CDYL: variants seen among roughly 807,000 people sequenced by gnomAD.
The protein encoded by CDYL is chromodomain Y like, also known as chromodomain Y-like protein.
A neutral mutation model predicts 47.3 loss-of-function variants in CDYL; 8 were observed. The observed-to-expected ratio is 0.17, with a 90% CI of 0.10 to 0.31. The LOEUF is 0.31. CDYL is among the 10% of genes least tolerant of loss of function. The pLI, the probability that CDYL is intolerant of heterozygous loss-of-function variation, is 1.00. For missense variants in CDYL, 471 were observed against 701.4 expected, an observed-to-expected ratio of 0.67 and a Z score of 3.71; for synonymous variants, 266 against 265.0, an observed-to-expected ratio of 1.00 and a Z score of -0.04.
intron 1 of CDYL, among the ~76,000 whole-genome samples, chr6:4,883,191 C>T (rs1242167858): frequency 6.6e-6 from 1 of 152,078 alleles, no homozygotes; most frequent in East Asian, 1.9e-4. Flanking sequence ...GGAAGGAGAG[C>T]AACAATGCTA....
rs990136806 is a variant in CDYL, at chr6:4,729,869, G to A, written c.104-4893G>A. 6.6e-5 allele frequency among the ~76,000 whole-genome samples: 10 copies of A among 152,054 alleles called. No homozygotes were observed. The East Asian group carries it at 9.6e-4, about 15-fold the overall frequency. ...GGAAGTGGAGGTTGCAGTGAGCCAC[G>A]ATCACGCTACTACACTCCAGCCTGG... On this transcript the variant is annotated intron_variant, in intron 2 of 8. Coordinates refer to the CDYL transcript ENST00000328908.
At chr6:4,836,928 G>C (rs911762177) in intron 1 of CDYL, among the ~76,000 whole-genome samples, 2 of 152,204 alleles carry the variant, frequency 1.3e-5, no homozygotes, top group Admixed American at 6.5e-5. Flanking sequence ...CCCTGGAATG[G>C]AGTGATGGGT....
intron 3 of CDYL, among the ~76,000 whole-genome samples, chr6:4,745,264 C>G (rs1185236956): frequency 6.6e-6 from 1 of 152,118 alleles, no homozygotes; most frequent in Non-Finnish European, 1.5e-5. Context: ...CTGGCCTACC[C>G]CAGCCATACT....
intron 2 of CDYL, among the ~76,000 whole-genome samples, chr6:4,920,035 T>G (rs563349897): frequency 6.6e-6 from 1 of 152,286 alleles, no homozygotes; most frequent in South Asian, 2.1e-4. Flanking sequence ...AGCATGGAGA[T>G]TCTCACACAT....
chr6:4,836,343 T>G lies in CDYL; in HGVS notation c.25-55370T>G, dbSNP rs1760305942. The G allele has an allele frequency of 3.8e-6, 3 of 795,002 alleles. No individual in the cohort carries two copies. The Admixed American group carries it at 1.9e-4, about 50-fold the overall frequency. 49.2% of individuals were successfully genotyped at this position (795,002 alleles called of 1,614,324 possible). A position where few individuals can be genotyped will look rare whatever the true frequency, so the allele number is the denominator to read the frequency against. ...AATTATTTATTTTATACGTGTGCTT[T>G]CAGAATTCCAACCCCCTAGAGGAGT... On this transcript the variant is annotated intron_variant, in intron 1 of 6. Coordinates refer to ENST00000397588, the MANE Select transcript of CDYL (RefSeq NM_004824.4).
intron 1 of CDYL, among the ~76,000 whole-genome samples, chr6:4,878,587 C>A (rs1015348700): frequency 2.0e-5 from 3 of 151,834 alleles, no homozygotes; most frequent in Non-Finnish European, 4.4e-5. Context: ...TAATGTTTTT[C>A]ATAATATTTT....
chr6:4,754,888 A>G (rs979060688), intron 3 of CDYL, among the ~76,000 whole-genome samples: 3 of 152,218 alleles, frequency 2.0e-5, no homozygotes, highest in African/African-American at 7.2e-5. Flanking sequence ...AAATGTAAGT[A>G]ATACATGGTA....
chr6:4,786,727 G>A (rs575590978), intron 1 of CDYL, among the ~76,000 whole-genome samples: 2 of 152,212 alleles, frequency 1.3e-5, no homozygotes, highest in East Asian at 3.9e-4. Flanking sequence ...GGTCCCTGTT[G>A]GAATGAGGAC....
At position 4,759,923 on chromosome 6, in the gene CDYL, A is replaced by AAAG. The variant is rs1444094906; in HGVS notation, c.186+25088_186+25090dup. ...AAAAAAAAAAAAAAAAAAAAAAAAA[A>AAAG]AAGAAGAAGAAAGAAAAGAAAAGAA... On this transcript the variant is annotated intron_variant, in intron 3 of 8. Coordinates refer to the CDYL transcript ENST00000328908. Among the ~76,000 whole-genome samples the AAAG allele has an allele frequency of 3.9e-4, 46 of 118,098 alleles. 4 individuals carry two copies. Among genetic ancestry groups the AAAG allele is most frequent in the Middle Eastern group, 3.9e-3 (1 of 258 alleles). The allele number at this position is 118,098 out of a possible 152,430, so 77.5% of individuals were successfully genotyped here.
intron 1 of CDYL, among the ~76,000 whole-genome samples, chr6:4,834,435 A>G (rs1760234903): frequency 6.7e-6 from 1 of 150,122 alleles, no homozygotes; most frequent in South Asian, 2.2e-4. Context: ...GTTTCTGCCG[A>G]GAGATCCGCT....
At chr6:4,909,625 A>G (rs945971511) in intron 2 of CDYL, among the ~76,000 whole-genome samples, 2 of 152,122 alleles carry the variant, frequency 1.3e-5, no homozygotes, top group African/African-American at 4.8e-5. Flanking sequence ...GCTGGAGTGC[A>G]GTAGCACCAT....
chr6:4,728,939 G>T (rs1757558627), intron 2 of CDYL, among the ~76,000 whole-genome samples: 1 of 152,110 alleles, frequency 6.6e-6, no homozygotes. Flanking sequence ...GTGTACCCAG[G>T]CTTCAGGCTG....
At chr6:4,743,604 G>C (rs1757835147) in intron 3 of CDYL, among the ~76,000 whole-genome samples, 1 of 152,144 alleles carries the variant, frequency 6.6e-6, no homozygotes, top group African/African-American at 2.4e-5. Context: ...AGCATAACAA[G>C]GGTCACTAAT....
chr6:4,878,540 G>A (rs560003171), intron 1 of CDYL, among the ~76,000 whole-genome samples: 1 of 152,016 alleles, frequency 6.6e-6, no homozygotes, highest in African/African-American at 2.4e-5. Flanking sequence ...ATTTATCAAG[G>A]AACATGTCTA....
rs1759619006 is a variant in CDYL, at chr6:4,814,623, T to G, written c.24+37816T>G. 2.6e-5 allele frequency among the ~76,000 whole-genome samples: 4 copies of G among 152,300 alleles called. No homozygotes were observed. In the South Asian group the frequency reaches 8.3e-4, roughly 32 times the overall value. On this transcript the variant is annotated intron_variant, in intron 1 of 6. Coordinates refer to ENST00000397588, the MANE Select transcript of CDYL (RefSeq NM_004824.4). ...ATACTGCAGCCTCCACCTCCAAGGTTCAAGCAATTCTCGTGCCCCAGCCTC... is the reference window on the plus strand; with the variant it reads ...ATACTGCAGCCTCCACCTCCAAGGTGCAAGCAATTCTCGTGCCCCAGCCTC...
intron 2 of CDYL, among the ~76,000 whole-genome samples, chr6:4,894,055 ATTG>A (rs1292441218): frequency 6.6e-6 from 1 of 152,082 alleles, no homozygotes. Context: ...GACTTCCTAT[ATTG>A]TTTGACCTCA....
At chr6:4,837,224 A>G (rs1454278637) in intron 1 of CDYL, among the ~76,000 whole-genome samples, 1 of 152,236 alleles carries the variant, frequency 6.6e-6, no homozygotes, top group African/African-American at 2.4e-5. Flanking sequence ...CAGTGTTACA[A>G]CTTGAGTGAC....
At chr6:4,835,851 C>T (rs963061983) in intron 1 of CDYL, among the ~76,000 whole-genome samples, 4 of 152,156 alleles carry the variant, frequency 2.6e-5, no homozygotes, top group East Asian at 3.9e-4. Flanking sequence ...TAGCAGTCAG[C>T]GAGACTCCGT....
chr6:4,711,252 C>T (rs1056810572), intron 1 of CDYL, among the ~76,000 whole-genome samples: 2 of 152,104 alleles, frequency 1.3e-5, no homozygotes, highest in Non-Finnish European at 2.9e-5. Flanking sequence ...CCAGAGGAGG[C>T]CCTTTAACCT....
Sources: gnomAD v4.1 joint callset for allele counts (sites outside exome capture counted in the v4.1 genomes callset) on GRCh38, gnomAD v4.1.1 for gene constraint, MANE v1.5 for transcripts, NCBI Gene and HGNC (gene_info 2026-07-23, HGNC 2026-07-21) for gene names.